Variants in AGBL4 observed in about 807,000 individuals in gnomAD.
AGBL4 encodes AGBL carboxypeptidase 4, also known as cytosolic carboxypeptidase 6.
AGBL4 carries 58 observed loss-of-function variants against 66.4 expected under a neutral mutation model. The observed-to-expected ratio is 0.87, with a 90% CI of 0.71 to 1.09. AGBL4 has a LOEUF of 1.09. Ranked by LOEUF, AGBL4 falls within the 50% of genes least tolerant of loss-of-function variation. AGBL4 has a pLI of 0.00. For missense variants in AGBL4, 579 were observed against 631.0 expected (o/e 0.92, Z 0.88); for synonymous variants, 234 against 222.9 (o/e 1.05, Z -0.44).
intron 6 of AGBL4, chr1:48,727,799 C>G: frequency 7.7e-7 from 1 of 1,297,082 alleles, no homozygotes; most frequent in Non-Finnish European, 1.1e-6. Context: ...CCACCATGCA[C>G]GGTGGGGTCT....
At chr1:49,940,765 T>C (rs1232274872) in intron 1 of AGBL4, among the ~76,000 whole-genome samples, 2 of 152,022 alleles carry the variant, frequency 1.3e-5, no homozygotes, top group Non-Finnish European at 2.9e-5. Context: ...GACGAGTTAA[T>C]GGGTGCAGCA....
At chr1:49,902,052 A>C (rs975521676) in intron 1 of AGBL4, among the ~76,000 whole-genome samples, 1 of 152,232 alleles carries the variant, frequency 6.6e-6, no homozygotes, top group African/African-American at 2.4e-5. Flanking sequence ...GATGGATCAA[A>C]GACTTAAATA....
At chr1:49,303,637 CTTT>C (rs999962779) in intron 3 of AGBL4, among the ~76,000 whole-genome samples, 1 of 150,392 alleles carries the variant, frequency 6.6e-6, no homozygotes, top group Non-Finnish European at 1.5e-5. Context: ...TTTTCTTCTT[CTTT>C]TTTTTTCTTT....
intron 4 of AGBL4, among the ~76,000 whole-genome samples, chr1:49,111,525 T>A (rs946174686): frequency 6.6e-6 from 1 of 152,234 alleles, no homozygotes; most frequent in African/African-American, 2.4e-5. Context: ...AAATATTCAA[T>A]CTTCAGATTA....
chr1:48,596,371 T>G (rs114848979), intron 9 of AGBL4, among the ~76,000 whole-genome samples: 1 of 152,102 alleles, frequency 6.6e-6, no homozygotes. Flanking sequence ...CTCCTTCAGA[T>G]TTACCCCAGG....
chr1:49,082,405 C>T (rs903919189), intron 4 of AGBL4, among the ~76,000 whole-genome samples: 11 of 152,146 alleles, frequency 7.2e-5, no homozygotes, highest in African/African-American at 1.7e-4. Flanking sequence ...ATGGACTCAC[C>T]GTTCCACATG....
intron 3 of AGBL4, among the ~76,000 whole-genome samples, chr1:49,461,644 AGT>A (rs2148699290): frequency 2.3e-5 from 1 of 43,990 alleles, no homozygotes; most frequent in African/African-American, 9.6e-5. Flanking sequence ...AACAGGCCCC[AGT>A]GTGTGATGTT....
chr1:48,747,205 A>T (rs534144219), intron 6 of AGBL4, among the ~76,000 whole-genome samples: 1 of 152,342 alleles, frequency 6.6e-6, no homozygotes, highest in South Asian at 2.1e-4. Flanking sequence ...ATTTTAGGTA[A>T]CAAAAGAACT....
chr1:49,102,562 G>A (rs959679118), intron 4 of AGBL4, among the ~76,000 whole-genome samples: 1 of 152,094 alleles, frequency 6.6e-6, no homozygotes, highest in Non-Finnish European at 1.5e-5. Context: ...AAGATTTGAT[G>A]TTACAATTTT....
rs182462847 is a variant in AGBL4 at position 49,656,792 on chromosome 1, G to C, written c.282+40521C>G. 3.4e-3 allele frequency among the ~76,000 whole-genome samples: 510 copies of C among 152,214 alleles called. 5 individuals carry two copies. Among genetic ancestry groups the C allele is most frequent in the African/African-American group, 0.012 (493 of 41,526 alleles). On this transcript the variant is annotated intron_variant, in intron 3 of 13. Coordinates refer to ENST00000371839, the MANE Select transcript of AGBL4 (RefSeq NM_032785.4). ...CTCAACAGATGCAGAAAAGGCCTTC[G>C]ACAAAATTCAACAACTTTTCATGCT... is the stretch of plus-strand genomic sequence containing the variant.
At chr1:49,349,972 T>C (rs1166065196) in intron 3 of AGBL4, among the ~76,000 whole-genome samples, 3 of 152,092 alleles carry the variant, frequency 2.0e-5, no homozygotes, top group African/African-American at 4.8e-5. Context: ...TGCTGACACA[T>C]TGGTCTCAAG....
At chr1:48,838,296 A>G (rs1409302176) in intron 6 of AGBL4, among the ~76,000 whole-genome samples, 1 of 152,166 alleles carries the variant, frequency 6.6e-6, no homozygotes, top group Admixed American at 6.5e-5. Flanking sequence ...AGTATACTAT[A>G]AAGCTGTATT....
intron 1 of AGBL4, among the ~76,000 whole-genome samples, chr1:50,010,526 A>T (rs1435599983): frequency 6.6e-6 from 1 of 151,930 alleles, no homozygotes; most frequent in Admixed American, 6.6e-5. Flanking sequence ...AAAGCAAAAA[A>T]ACAAAACAAA....
intron 5 of AGBL4, among the ~76,000 whole-genome samples, chr1:48,921,963 A>G (rs191061262): frequency 3.9e-5 from 6 of 152,198 alleles, no homozygotes; most frequent in Admixed American, 1.3e-4. Flanking sequence ...TACGTGGAAC[A>G]TTTAGTTAGC....
intron 6 of AGBL4, among the ~76,000 whole-genome samples, chr1:48,819,803 G>A (rs1213599468): frequency 2.0e-5 from 3 of 152,192 alleles, no homozygotes; most frequent in African/African-American, 7.2e-5. Flanking sequence ...TCTTTAAAGT[G>A]TTCTTGCCAA....
chr1:49,939,925 T>C (rs1654559561), intron 1 of AGBL4, among the ~76,000 whole-genome samples: 1 of 152,056 alleles, frequency 6.6e-6, no homozygotes, highest in African/African-American at 2.4e-5. Context: ...ACCTATAAAA[T>C]GGGAGAAAAT....
chr1:49,479,322 G>T lies in AGBL4; in HGVS notation c.282+217991C>A, dbSNP rs368302975. On this transcript the variant is annotated intron_variant, in intron 3 of 13. Coordinates refer to ENST00000371839, the MANE Select transcript of AGBL4 (RefSeq NM_032785.4). The stretch of plus-strand genomic sequence containing the variant: ...TTTTTACTTTTATTTTAAGTTCAGG[G>T]GTACATGTGCAGTATGTGCGGGTAT... Among the ~76,000 whole-genome samples the T allele has an allele frequency of 3.4e-4, 52 of 151,830 alleles. 1 individual carries two copies. The South Asian group carries it at 9.6e-3, about 28-fold the overall frequency.
At chr1:49,146,744 G>A (rs1239127757) in intron 4 of AGBL4, among the ~76,000 whole-genome samples, 1 of 152,238 alleles carries the variant, frequency 6.6e-6, no homozygotes, top group East Asian at 1.9e-4. Context: ...GGAGCATGAT[G>A]GGGCCTCAGG....
intron 5 of AGBL4, among the ~76,000 whole-genome samples, chr1:48,887,697 A>G (rs991914191): frequency 6.6e-6 from 1 of 152,146 alleles, no homozygotes; most frequent in South Asian, 2.1e-4. Context: ...TTTGCTTTTC[A>G]AGATCCGAGC....
Sources: gnomAD v4.1 joint callset for allele counts (sites outside exome capture counted in the v4.1 genomes callset) on GRCh38, gnomAD v4.1.1 for gene constraint, MANE v1.5 for transcripts, NCBI Gene and HGNC (gene_info 2026-07-23, HGNC 2026-07-21) for gene names.